Variants in PYGO1 observed in about 807,000 individuals in gnomAD.
PYGO1 encodes the protein pygopus homolog 1.
In PYGO1, 6 loss-of-function variants were observed where a neutral mutation model predicts 29.5. The ratio of observed to expected loss-of-function variants is 0.20; its 90% CI spans 0.11 to 0.40. The LOEUF (loss-of-function observed/expected upper bound fraction) is 0.40. PYGO1 is among the 10% of genes least tolerant of loss of function. The pLI is 1.00. For synonymous variants in PYGO1, 186 were observed against 180.5 expected (o/e 1.03, Z -0.24); for missense variants, 515 against 514.9 (o/e 1.00, Z 0.00).
intron 1 of PYGO1, among the ~76,000 whole-genome samples, chr15:55,580,524 T>C (rs1232578809): frequency 1.3e-5 from 2 of 152,194 alleles, no homozygotes; most frequent in African/African-American, 4.8e-5. Context: ...TTCATACATA[T>C]TAACCAATTT....
intron 1 of PYGO1, among the ~76,000 whole-genome samples, chr15:55,555,634 T>A (rs561029963): frequency 6.6e-6 from 1 of 152,074 alleles, no homozygotes; most frequent in Admixed American, 6.5e-5. Context: ...GTAACAAACC[T>A]GCACGTTGTG....
At chr15:55,554,539 G>A (rs7174443) in intron 1 of PYGO1, among the ~76,000 whole-genome samples, 141,797 of 150,740 alleles carry the variant, frequency 0.94, 66,874 homozygotes, top group Non-Finnish European at 0.97. Context: ...AACTGACAGA[G>A]GTAGGCGCCA....
At position 55,539,564 on chromosome 15, in the gene PYGO1, T is replaced by C. The variant is rs1305161950; in HGVS notation, c.*6459A>G. The C allele has an allele frequency of 6.6e-6, 1 of 152,076 alleles. No homozygotes were observed. Among genetic ancestry groups the C allele is most frequent in the Non-Finnish European group, 1.5e-5 (1 of 67,936 alleles). The allele number at this position is 152,076 out of a possible 1,614,324, so 9.4% of individuals were successfully genotyped here. On this transcript the variant is annotated 3_prime_UTR_variant, in exon 3 of 3. Transcript: ENST00000563719. The stretch of plus-strand genomic sequence containing the variant: ...TGATCTAAATAGAAACAGACTCAGT[T>C]CTAAAAGAATGTATGTGAAAATAGC...
intron 1 of PYGO1, among the ~76,000 whole-genome samples, chr15:55,570,569 G>A (rs1035385637): frequency 6.6e-6 from 1 of 150,496 alleles, no homozygotes; most frequent in Admixed American, 6.6e-5. Context: ...ACTTTCATCA[G>A]GTTATTATGT....
At chr15:55,586,718 A>G (rs555574730) in intron 1 of PYGO1, among the ~76,000 whole-genome samples, 2 of 152,252 alleles carry the variant, frequency 1.3e-5, no homozygotes, top group Admixed American at 1.3e-4. Context: ...TTCCCACGTG[A>G]ATTCATATGG....
chr15:55,579,260 A>G (rs1204179595), intron 1 of PYGO1, among the ~76,000 whole-genome samples: 2 of 152,202 alleles, frequency 1.3e-5, no homozygotes, highest in Non-Finnish European at 2.9e-5. Flanking sequence ...GATATCCTTG[A>G]ATCTGAATAC....
intron 1 of PYGO1, among the ~76,000 whole-genome samples, chr15:55,562,744 C>A (rs902009102): frequency 6.6e-6 from 1 of 151,790 alleles, no homozygotes; most frequent in Admixed American, 6.6e-5. Context: ...TGGAATCAAT[C>A]CAAATGCTCA....
At chr15:55,569,167 G>A (rs2058969922) in intron 1 of PYGO1, among the ~76,000 whole-genome samples, 1 of 151,692 alleles carries the variant, frequency 6.6e-6, no homozygotes, top group Non-Finnish European at 1.5e-5. Flanking sequence ...TAGTAGAATT[G>A]GTACCAGCTC....
At chr15:55,585,414 A>G (rs28618157) in intron 1 of PYGO1, among the ~76,000 whole-genome samples, 15,328 of 152,258 alleles carry the variant, frequency 0.1, 1,095 homozygotes, top group African/African-American at 0.19. Context: ...ATTACATTAA[A>G]TAACAAAAAG....
intron 1 of PYGO1, among the ~76,000 whole-genome samples, chr15:55,554,584 G>A (rs2141652558): frequency 6.6e-6 from 1 of 151,932 alleles, no homozygotes; most frequent in Non-Finnish European, 1.5e-5. Flanking sequence ...CTGAGTTAAA[G>A]GAGCATGCTG....
Position 55,543,525 on chromosome 15 carries a change from T to G in PYGO1, c.*2498A>C, listed in dbSNP as rs189310877. The G allele has an allele frequency of 1.1e-4, 17 of 152,304 alleles. No individual in the cohort carries two copies. Among genetic ancestry groups the G allele is most frequent in the African/African-American group, 3.6e-4 (15 of 41,576 alleles). 9.4% of individuals were successfully genotyped at this position (152,304 alleles called of 1,614,324 possible). ...ACCTGAATAAAAATTCACCTGTTTG[T>G]AGGTTTTTAAAAACAACTATGTGGA... On this transcript the variant is annotated 3_prime_UTR_variant, in exon 3 of 3. Coordinates refer to ENST00000563719, the MANE Select transcript of PYGO1 (RefSeq NM_001367806.1).
At chr15:55,574,448 A>G (rs1005740886) in intron 1 of PYGO1, among the ~76,000 whole-genome samples, 1 of 152,144 alleles carries the variant, frequency 6.6e-6, no homozygotes, top group Non-Finnish European at 1.5e-5. Flanking sequence ...TTTGTAATAG[A>G]TTTGTGTAAG....
At chr15:55,550,359 T>G (rs141929578) in intron 1 of PYGO1, among the ~76,000 whole-genome samples, 1 of 152,192 alleles carries the variant, frequency 6.6e-6, no homozygotes, top group South Asian at 2.1e-4. Context: ...AGAGGGATAC[T>G]TGAAGGCCAG....
chr15:55,560,782 G>A (rs1194575100), intron 1 of PYGO1, among the ~76,000 whole-genome samples: 3 of 152,072 alleles, frequency 2.0e-5, no homozygotes, highest in African/African-American at 7.2e-5. Flanking sequence ...CCAACATGGT[G>A]AAACCCTGTC....
intron 1 of PYGO1, among the ~76,000 whole-genome samples, chr15:55,553,558 C>G (rs779633302): frequency 6.6e-6 from 1 of 152,044 alleles, no homozygotes; most frequent in Non-Finnish European, 1.5e-5. Flanking sequence ...ACCACCACCA[C>G]TTGCCACCAC....
Position 55,546,365 on chromosome 15 carries a change from C to G in PYGO1, c.918G>C (p.Lys306Asn), listed in dbSNP as rs201637255. The G allele has an allele frequency of 6.2e-7, 1 of 1,614,166 alleles. No individual in the cohort carries two copies. The highest frequency in any genetic ancestry group is 8.5e-7 in the Non-Finnish European group (1 of 1,180,028). ...CTGCTGCACCTCTTGGTTGTCGTGG[C>G]TTATTCTGCGTCCCATTTGCAGGGT... ...NNNPANGTQN[K>N]PRQPRGAADA... is the part of the protein sequence containing the mutation. The change falls in exon 3 of 3, where the codon AAG (lysine) becomes AAC (asparagine). Residue 306 changes from lysine (K) to asparagine (N), a missense_variant. Transcript: ENST00000563719.
chr15:55,561,283 T>A (rs1022648614), intron 1 of PYGO1, among the ~76,000 whole-genome samples: 5 of 152,196 alleles, frequency 3.3e-5, no homozygotes, highest in African/African-American at 1.2e-4. Context: ...TGGCTAGCCA[T>A]ATGCAGAAAA....
At chr15:55,575,489 T>A (rs902554282) in intron 1 of PYGO1, among the ~76,000 whole-genome samples, 1 of 139,396 alleles carries the variant, frequency 7.2e-6, no homozygotes, top group African/African-American at 2.6e-5. Flanking sequence ...AAGCAATGCA[T>A]ACAAATACAA....
intron 1 of PYGO1, among the ~76,000 whole-genome samples, chr15:55,555,288 C>T (rs985168806): frequency 1.3e-5 from 2 of 151,750 alleles, no homozygotes; most frequent in African/African-American, 4.8e-5. Flanking sequence ...GGAATAAGAT[C>T]GTTTTCAGAT....
Sources: allele counts gnomAD v4.1 joint callset (sites outside exome capture counted in the v4.1 genomes callset), GRCh38; gene constraint gnomAD v4.1.1; transcripts MANE v1.5; gene names NCBI Gene and HGNC (gene_info 2026-07-23, HGNC 2026-07-21).